ABTB3: variants seen among roughly 807,000 people sequenced by gnomAD.
ABTB3 encodes the protein ankyrin repeat- and BTB/POZ domain-containing protein 3.
the ABTB3 span, among the ~76,000 whole-genome samples, chr12:107,549,453 T>C: frequency 1.3e-5 from 2 of 152,242 alleles, no homozygotes; most frequent in African/African-American, 2.4e-5. Flanking sequence ...ATAGCTCTAC[T>C]CTGTTCTTTT....
chr12:107,585,176 G>A, the ABTB3 span, among the ~76,000 whole-genome samples: 1 of 152,118 alleles, frequency 6.6e-6, no homozygotes, highest in African/African-American at 2.4e-5. Flanking sequence ...AATAAAGATG[G>A]TCAGGGGTGT....
At chr12:107,499,690 C>CTTT in the ABTB3 span, among the ~76,000 whole-genome samples, 748 of 143,388 alleles carry the variant, frequency 5.2e-3, 8 homozygotes, top group African/African-American at 0.017. Flanking sequence ...TTTTTCTTTT[C>CTTT]TTTTTTTTTT....
chr12:107,655,510 C>A, the ABTB3 span, among the ~76,000 whole-genome samples: 3 of 152,148 alleles, frequency 2.0e-5, no homozygotes, highest in Non-Finnish European at 2.9e-5. Flanking sequence ...TGATTACTGG[C>A]AGATTGTGCT....
chr12:107,355,336 GC>G, the ABTB3 span, among the ~76,000 whole-genome samples: 1 of 152,220 alleles, frequency 6.6e-6, no homozygotes, highest in Non-Finnish European at 1.5e-5. Flanking sequence ...GCCTGTGTGG[GC>G]CCCAGCCCAG....
At chr12:107,599,903 T>G in the ABTB3 span, among the ~76,000 whole-genome samples, 1 of 152,170 alleles carries the variant, frequency 6.6e-6, no homozygotes, top group African/African-American at 2.4e-5. Context: ...CCTATTGGCC[T>G]CTTTGGATCC....
the ABTB3 span, among the ~76,000 whole-genome samples, chr12:107,585,580 G>C: frequency 5.0e-3 from 765 of 152,278 alleles, 6 homozygotes; most frequent in African/African-American, 0.016. Context: ...AACTTGGCGG[G>C]GGTCAGGGAT....
chr12:107,569,728 C>T, the ABTB3 span, among the ~76,000 whole-genome samples: 2 of 152,184 alleles, frequency 1.3e-5, no homozygotes, highest in African/African-American at 2.4e-5. Flanking sequence ...GATTCAGCCA[C>T]CAGTGTCAGA....
chr12:107,524,404 G>C, the ABTB3 span, among the ~76,000 whole-genome samples: 64 of 152,270 alleles, frequency 4.2e-4, no homozygotes, highest in Non-Finnish European at 6.3e-4. Flanking sequence ...AGGTTGCTCA[G>C]CCAATGTGGA....
At chr12:107,592,542 C>A in the ABTB3 span, among the ~76,000 whole-genome samples, 1 of 152,090 alleles carries the variant, frequency 6.6e-6, no homozygotes, top group Non-Finnish European at 1.5e-5. Flanking sequence ...CGATGGAAAA[C>A]CAAGTAACAA....
At chr12:107,638,075 C>T in the ABTB3 span, among the ~76,000 whole-genome samples, 1 of 152,060 alleles carries the variant, frequency 6.6e-6, no homozygotes, top group African/African-American at 2.4e-5. Flanking sequence ...TGGATCATTT[C>T]AGAAGTTCTG....
the ABTB3 span, among the ~76,000 whole-genome samples, chr12:107,416,504 G>A: frequency 2.6e-5 from 4 of 151,954 alleles, no homozygotes; most frequent in African/African-American, 9.7e-5. Flanking sequence ...CTATTTGGAT[G>A]CCTAGTTAGG....
the ABTB3 span, among the ~76,000 whole-genome samples, chr12:107,353,083 G>A: frequency 6.6e-6 from 1 of 152,224 alleles, no homozygotes. Context: ...TGATGGTCAT[G>A]TGGCTTAGTG....
chr12:107,396,578 A>T, the ABTB3 span, among the ~76,000 whole-genome samples: 3 of 99,816 alleles, frequency 3.0e-5, no homozygotes, highest in Non-Finnish European at 5.7e-5. Context: ...AGTGACAAAG[A>T]TGAATTTTTT....
chr12:107,339,706 T>G, the ABTB3 span, among the ~76,000 whole-genome samples: 1 of 151,288 alleles, frequency 6.6e-6, no homozygotes, highest in Admixed American at 6.6e-5. Context: ...TGTGTGTGTA[T>G]GTTGCATGTG....
the ABTB3 span, among the ~76,000 whole-genome samples, chr12:107,582,518 C>T: frequency 6.6e-6 from 1 of 152,178 alleles, no homozygotes; most frequent in Non-Finnish European, 1.5e-5. Flanking sequence ...TGCCTTGTAC[C>T]TTGTCACCTA....
chr12:107,483,060 G>C, the ABTB3 span, among the ~76,000 whole-genome samples: 2 of 148,132 alleles, frequency 1.4e-5, no homozygotes, highest in East Asian at 4.0e-4. Flanking sequence ...ATCTCACTCT[G>C]TCACCAGGCT....
At chr12:107,426,499 A>G in the ABTB3 span, among the ~76,000 whole-genome samples, 2 of 151,560 alleles carry the variant, frequency 1.3e-5, no homozygotes, top group African/African-American at 4.9e-5. Context: ...CTTCCTGCTC[A>G]CTCAACCCGA....
the ABTB3 span, among the ~76,000 whole-genome samples, chr12:107,327,399 G>A: frequency 1.3e-5 from 2 of 152,038 alleles, no homozygotes; most frequent in Non-Finnish European, 2.9e-5. Flanking sequence ...TTACTCTTTT[G>A]TCTTATTGTT....
At chr12:107,469,871 TTTC>T in the ABTB3 span, among the ~76,000 whole-genome samples, 5 of 80,500 alleles carry the variant, frequency 6.2e-5, no homozygotes, top group African/African-American at 2.4e-4. Context: ...CTTTCTTTTC[TTTC>T]TTTCTTTCTT....
Sources: gnomAD v4.1 joint callset for allele counts (sites outside exome capture counted in the v4.1 genomes callset) on GRCh38, gnomAD v4.1.1 for gene constraint, MANE v1.5 for transcripts, NCBI Gene and HGNC (gene_info 2026-07-23, HGNC 2026-07-21) for gene names.